CRTAC1: variants seen among roughly 807,000 people sequenced by gnomAD.
CRTAC1 encodes the protein acidic secreted protein in cartilage.
CRTAC1 carries 37 observed loss-of-function variants against 67.8 expected under a neutral mutation model. That is an observed-to-expected ratio of 0.55 (90% CI 0.42 to 0.72). CRTAC1 has a LOEUF of 0.72. Among genes scored for constraint, CRTAC1 ranks in the 30% least tolerant of loss-of-function variants. The probability of loss-of-function intolerance (pLI) is 0.00; values close to 1 mark genes in which losing one functional copy is unlikely to be tolerated. For missense variants in CRTAC1, 780 were observed against 931.6 expected (o/e 0.84, Z 2.12); for synonymous variants, 348 against 371.0 (o/e 0.94, Z 0.71).
chr10:97,871,933 T>C (rs1041922467), intron 14 of CRTAC1, among the ~76,000 whole-genome samples: 1 of 152,192 alleles, frequency 6.6e-6, no homozygotes, highest in Non-Finnish European at 1.5e-5. Context: ...GGAAAAGTGA[T>C]TGGGAACCAG....
At chr10:97,941,447 C>T (rs192928645) in intron 2 of CRTAC1, among the ~76,000 whole-genome samples, 1 of 152,264 alleles carries the variant, frequency 6.6e-6, no homozygotes, top group African/African-American at 2.4e-5. Context: ...CAACCCAAAT[C>T]CCCAGTCCCA....
chr10:97,979,998 G>A (rs1222489937), intron 2 of CRTAC1, among the ~76,000 whole-genome samples: 2 of 152,194 alleles, frequency 1.3e-5, no homozygotes, highest in East Asian at 3.8e-4. Flanking sequence ...AACGCCCGGG[G>A]CCACTCTTTT....
At chr10:97,999,663 G>T (rs1334417082) in intron 2 of CRTAC1, among the ~76,000 whole-genome samples, 2 of 152,228 alleles carry the variant, frequency 1.3e-5, no homozygotes, top group Admixed American at 6.5e-5. Context: ...GGGCAGGGAG[G>T]GCCTGACGGC....
At chr10:97,991,420 T>TAATAAACAAATAAATA (rs1554932227) in intron 2 of CRTAC1, among the ~76,000 whole-genome samples, 9 of 147,120 alleles carry the variant, frequency 6.1e-5, no homozygotes, top group Admixed American at 5.4e-4. Flanking sequence ...CTTTTAAAAA[T>TAATAAACAAATAAATA]AATAAATAAA....
rs368198800 is a variant in CRTAC1 at position 97,882,877 on chromosome 10, T to A, written c.1633-49A>T. On this transcript the variant is annotated intron_variant, in intron 12 of 14. Transcript: ENST00000370597. ...ACATGAGTGAGTTGAGAAGGTCCCA[T>A]CCCAGGTTCCCTCCTAGTCACAGCC... 79 of 1,585,512 alleles carry A rather than the reference T, an allele frequency of 5.0e-5. 1 individual carries two copies. In the East Asian group the frequency reaches 1.3e-3, roughly 27 times the overall value.
chr10:97,950,242 CACACAG>C (rs144904390), intron 2 of CRTAC1, among the ~76,000 whole-genome samples: 6,196 of 117,408 alleles, frequency 0.053, 211 homozygotes, highest in African/African-American at 0.11. Context: ...TGCACACACA[CACACAG>C]AGAGAGAGAG....
chr10:98,013,390 A>G (rs1842943666), intron 1 of CRTAC1, among the ~76,000 whole-genome samples: 1 of 152,224 alleles, frequency 6.6e-6, no homozygotes, highest in African/African-American at 2.4e-5. Context: ...GAACCTTTCC[A>G]GTGAAGGCCC....
intron 1 of CRTAC1, among the ~76,000 whole-genome samples, chr10:98,027,813 T>G (rs1293322087): frequency 6.6e-6 from 1 of 152,192 alleles, no homozygotes; most frequent in East Asian, 1.9e-4. Context: ...GCCTACTGTA[T>G]AGAGAAAGTA....
At chr10:97,889,883 C>T (rs879869209) in intron 11 of CRTAC1, among the ~76,000 whole-genome samples, 2 of 152,094 alleles carry the variant, frequency 1.3e-5, no homozygotes, top group African/African-American at 2.4e-5. Flanking sequence ...TCATGCGGGA[C>T]CTCAAGGCAG....
intron 2 of CRTAC1, among the ~76,000 whole-genome samples, chr10:97,943,348 C>T (rs2051208961): frequency 6.6e-6 from 1 of 152,022 alleles, no homozygotes; most frequent in Admixed American, 6.5e-5. Context: ...TAAAGGGAGC[C>T]ACATGAAAAA....
chr10:98,008,663 G>A (rs1374552635), intron 2 of CRTAC1, among the ~76,000 whole-genome samples: 1 of 152,100 alleles, frequency 6.6e-6, no homozygotes, highest in African/African-American at 2.4e-5. Context: ...GTCCCAGAAG[G>A]AGAAGAAAAT....
chr10:97,972,014 G>T (rs1406790692), intron 2 of CRTAC1, among the ~76,000 whole-genome samples: 1 of 152,144 alleles, frequency 6.6e-6, no homozygotes, highest in East Asian at 1.9e-4. Flanking sequence ...ACTGAGACCA[G>T]GGTCCCTCGC....
At chr10:97,952,777 T>C (rs1351702487) in intron 2 of CRTAC1, among the ~76,000 whole-genome samples, 1 of 152,226 alleles carries the variant, frequency 6.6e-6, no homozygotes, top group Non-Finnish European at 1.5e-5. Context: ...ACAAATCTTG[T>C]CTGTGCCATT....
chr10:97,909,996 TA>T (rs1564889729), intron 5 of CRTAC1, among the ~76,000 whole-genome samples: 1 of 148,914 alleles, frequency 6.7e-6, no homozygotes, highest in Admixed American at 6.8e-5. Context: ...ATGTGGAATC[TA>T]AAAAAGTTGA....
intron 14 of CRTAC1, chr10:97,878,742 G>A (rs2050175211): frequency 7.7e-7 from 1 of 1,297,806 alleles, no homozygotes; most frequent in Non-Finnish European, 1.0e-6. Flanking sequence ...GCCAGACATT[G>A]AGGAGTCTTA....
chr10:97,867,967 G>C (rs1325414848), intron 14 of CRTAC1: 1 of 152,252 alleles, frequency 6.6e-6, no homozygotes, highest in Non-Finnish European at 1.5e-5. Context: ...GAACAGGTTG[G>C]ACTGAAAGCG....
intron 11 of CRTAC1, among the ~76,000 whole-genome samples, chr10:97,891,288 T>A (rs1440994262): frequency 6.6e-6 from 1 of 152,116 alleles, no homozygotes; most frequent in African/African-American, 2.4e-5. Flanking sequence ...GTTTTTACAA[T>A]CAGAAAAAAA....
At chr10:97,986,758 C>G (rs532621531) in intron 2 of CRTAC1, among the ~76,000 whole-genome samples, 250 of 152,260 alleles carry the variant, frequency 1.6e-3, no homozygotes, top group Non-Finnish European at 3.1e-3. Flanking sequence ...CTTTGGGAAC[C>G]AGGGGCAGGA....
intron 2 of CRTAC1, among the ~76,000 whole-genome samples, chr10:97,948,018 G>C (rs553416760): frequency 3.3e-5 from 5 of 151,968 alleles, no homozygotes; most frequent in South Asian, 2.1e-4. Context: ...ATCATTGTCT[G>C]GTATGCATGA....
Sources: gnomAD v4.1 joint callset for allele counts (sites outside exome capture counted in the v4.1 genomes callset) on GRCh38, gnomAD v4.1.1 for gene constraint, MANE v1.5 for transcripts, NCBI Gene and HGNC (gene_info 2026-07-23, HGNC 2026-07-21) for gene names.